Variants in IQCE observed in about 807,000 individuals in gnomAD.
The protein encoded by IQCE is IQ motif containing E.
Under a neutral mutation model 96.0 loss-of-function variants are expected in IQCE, and 115 were observed. The observed-to-expected ratio is 1.20, with a 90% CI of 1.03 to 1.40. The LOEUF (loss-of-function observed/expected upper bound fraction) is 1.40. Ranked by LOEUF, IQCE falls within the 40% of genes most tolerant of loss-of-function variation. IQCE has a pLI of 0.00. For synonymous variants in IQCE, 412 were observed against 371.2 expected, an observed-to-expected ratio of 1.11 and a Z score of -1.26; for missense variants, 1,041 against 909.1, an observed-to-expected ratio of 1.15 and a Z score of -1.87.
chr7:2,594,283 A>G (rs1396087536), intron 15 of IQCE, among the ~76,000 whole-genome samples: 1 of 152,198 alleles, frequency 6.6e-6, no homozygotes, highest in Non-Finnish European at 1.5e-5. Flanking sequence ...AAAAGAAAAC[A>G]TTTCATTTTC....
chr7:2,595,531 C>T (rs1158131979), intron 16 of IQCE, among the ~76,000 whole-genome samples: 1 of 152,180 alleles, frequency 6.6e-6, no homozygotes, highest in African/African-American at 2.4e-5. Flanking sequence ...GCTCTCCTGC[C>T]TCTCCACTCC....
chr7:2,559,244 G>C (rs1044949866), intron 1 of IQCE, 27 bp downstream of exon 1: 3 of 1,205,020 alleles, frequency 2.5e-6, no homozygotes, highest in African/African-American at 1.6e-5. Context: ...GGGCGACGCC[G>C]GGCGGGCGTC....
At chr7:2,598,413 G>C in intron 16 of IQCE, 52 bp from the exon 17 acceptor site, 2 of 1,497,940 alleles carry the variant, frequency 1.3e-6, no homozygotes, top group Admixed American at 2.2e-5. Flanking sequence ...GCCGGATACT[G>C]GTTGTCCCTG....
chr7:2,579,783 G>T (rs531061425), intron 8 of IQCE, among the ~76,000 whole-genome samples: 41 of 150,848 alleles, frequency 2.7e-4, no homozygotes, highest in Non-Finnish European at 5.6e-4. Flanking sequence ...TCACTCTGTT[G>T]CCCAGGCTGG....
At chr7:2,570,012 C>G (rs187394063) in intron 3 of IQCE, among the ~76,000 whole-genome samples, 38 of 152,262 alleles carry the variant, frequency 2.5e-4, no homozygotes, top group Middle Eastern at 3.4e-3. Flanking sequence ...CTGACTCACA[C>G]TCGGGACCTG....
chr7:2,564,986 C>A (rs1294740901), intron 1 of IQCE, among the ~76,000 whole-genome samples: 3 of 152,226 alleles, frequency 2.0e-5, no homozygotes, highest in Admixed American at 6.5e-5. Flanking sequence ...CACCCTGACA[C>A]AGGCTGATTG....
intron 17 of IQCE, among the ~76,000 whole-genome samples, chr7:2,600,674 T>C (rs1784373501): frequency 6.6e-6 from 1 of 152,262 alleles, no homozygotes; most frequent in South Asian, 2.1e-4. Flanking sequence ...TATATTCTGC[T>C]GGTCCTTGTA....
In IQCE at chr7:2,611,242, T is replaced by G. The variant is rs1168341198; in HGVS notation, c.*1080T>G. The G allele has an allele frequency of 6.6e-6, 1 of 152,214 alleles. No homozygotes were observed. Among genetic ancestry groups the G allele is most frequent in the Non-Finnish European group, 1.5e-5 (1 of 68,194 alleles). The allele number at this position is 152,214 out of a possible 1,614,324, so 9.4% of individuals were successfully genotyped here. A position where few individuals can be genotyped will look rare whatever the true frequency, so the allele number is the denominator to read the frequency against. The stretch of plus-strand genomic sequence containing the variant: ...CCAGTGCCCATCTCTTGCTTGTGTG[T>G]GAGATTAGCCCTTGCTGGGGCGTCA... On this transcript the variant is annotated 3_prime_UTR_variant, in exon 22 of 22. Transcript: ENST00000402050.
intron 13 of IQCE, 92 bp from the exon 14 acceptor site, chr7:2,589,815 G>A: frequency 4.7e-6 from 6 of 1,282,058 alleles, no homozygotes; most frequent in East Asian, 2.3e-5. Flanking sequence ...TGGAGACTCA[G>A]TTTGCCCTGG....
intron 5 of IQCE, among the ~76,000 whole-genome samples, chr7:2,572,550 C>T (rs747423035): frequency 5.9e-5 from 9 of 152,170 alleles, no homozygotes; most frequent in Admixed American, 2.6e-4. Context: ...AGGGATATCT[C>T]GCCAGGTGTC....
intron 8 of IQCE, among the ~76,000 whole-genome samples, chr7:2,581,134 C>A (rs566667144): frequency 6.6e-6 from 1 of 152,096 alleles, no homozygotes; most frequent in Non-Finnish European, 1.5e-5. Flanking sequence ...TGAGCCACCG[C>A]GCCCAGCCCT....
intron 1 of IQCE, among the ~76,000 whole-genome samples, chr7:2,561,697 T>A (rs1212746834): frequency 6.6e-6 from 1 of 152,140 alleles, no homozygotes; most frequent in East Asian, 1.9e-4. Flanking sequence ...CTGGGATTAC[T>A]GGCCTGAGCC....
chr7:2,579,254 C>A (rs138951924), intron 8 of IQCE, among the ~76,000 whole-genome samples: 1 of 152,210 alleles, frequency 6.6e-6, no homozygotes, highest in Non-Finnish European at 1.5e-5. Context: ...CAAGGAAGTA[C>A]TTCTCTAAAG....
Position 2,559,102 on chromosome 7 carries a change from C to T in IQCE, c.-80C>T. The stretch of plus-strand genomic sequence containing the variant: ...CCAGGGAAGGCCCCGAGGCTGCGGG[C>T]GGCCAGGGCTGCCCGCGGATTCCCA... On this transcript the variant is annotated 5_prime_UTR_variant, in exon 1 of 22. Transcript: ENST00000402050. 5.0e-6 allele frequency: 4 copies of T among 797,404 alleles called. No individual in the cohort carries two copies. The highest frequency in any genetic ancestry group is 6.5e-6 in the Non-Finnish European group (4 of 615,080). 49.4% of individuals were successfully genotyped at this position (797,404 alleles called of 1,614,324 possible).
At chr7:2,569,047 T>C in intron 3 of IQCE, 48 bp downstream of exon 3, 1 of 1,565,530 alleles carries the variant, frequency 6.4e-7, no homozygotes, top group Non-Finnish European at 8.8e-7. Context: ...CGTTCCCTGG[T>C]GTCCTGGAGA....
At chr7:2,598,320 T>C in intron 16 of IQCE, 145 bp from the exon 17 acceptor site, 1 of 751,072 alleles carries the variant, frequency 1.3e-6, no homozygotes, top group Non-Finnish European at 2.1e-6. Flanking sequence ...TGCAGACCAG[T>C]GTGGAACAGC....
Position 2,610,275 on chromosome 7 carries a change from C to G in IQCE, c.*113C>G. The G allele has an allele frequency of 1.4e-6, 1 of 718,366 alleles. No individual in the cohort carries two copies. The highest frequency in any genetic ancestry group is 2.5e-5 in the East Asian group (1 of 39,568). 44.5% of individuals were successfully genotyped at this position (718,366 alleles called of 1,614,324 possible). On this transcript the variant is annotated 3_prime_UTR_variant, in exon 22 of 22. Transcript: ENST00000402050. ...AAGAACGATGATACCTACTTAACAC[C>G]TCAGCATCTGCGTCGTGTCTCTTTG... is the stretch of plus-strand genomic sequence containing the variant.
intron 19 of IQCE, 67 bp from the exon 20 acceptor site, chr7:2,605,809 G>A (rs1784774309): frequency 1.4e-6 from 2 of 1,418,042 alleles, no homozygotes; most frequent in African/African-American, 1.5e-5. Flanking sequence ...GTGCCCTGGG[G>A]GTTGAGTGCT....
intron 20 of IQCE, among the ~76,000 whole-genome samples, chr7:2,606,699 A>G (rs972197146): frequency 1.3e-5 from 2 of 152,080 alleles, no homozygotes; most frequent in African/African-American, 2.4e-5. Context: ...TCCTGACCCC[A>G]TGTGACCTGG....
Sources: allele counts gnomAD v4.1 joint callset (sites outside exome capture counted in the v4.1 genomes callset), GRCh38; gene constraint gnomAD v4.1.1; transcripts MANE v1.5; gene names NCBI Gene and HGNC (gene_info 2026-07-23, HGNC 2026-07-21).